SPTBN1: variants seen among roughly 807,000 people sequenced by gnomAD.
The protein encoded by SPTBN1 is spectrin beta chain, non-erythrocytic 1.
In SPTBN1, 32 loss-of-function variants were observed where a neutral mutation model predicts 266.4. The ratio of observed to expected loss-of-function variants is 0.12; its 90% CI spans 0.09 to 0.16. SPTBN1 has a LOEUF of 0.16. Ranked by LOEUF, SPTBN1 falls within the 10% of genes least tolerant of loss-of-function variation. SPTBN1 has a pLI of 1.00. For synonymous variants in SPTBN1, 1,336 were observed against 1,162.2 expected (o/e 1.15, Z -3.04); for missense variants, 2,296 against 3,067.1 (o/e 0.75, Z 5.94).
At chr2:54,487,832 C>CTCT (rs1426296541) in intron 1 of SPTBN1, among the ~76,000 whole-genome samples, 1 of 68,644 alleles carries the variant, frequency 1.5e-5, no homozygotes, top group Non-Finnish European at 2.6e-5. Flanking sequence ...CCTCCTGTGT[C>CTCT]TTTTTTTTTT....
At chr2:54,516,374 T>C (rs1670110087) in intron 1 of SPTBN1, 1 of 152,144 alleles carries the variant, frequency 6.6e-6, no homozygotes, top group African/African-American at 2.4e-5. Flanking sequence ...AATTTTTAGC[T>C]GTGTTAGGGT....
At chr2:54,607,374 G>A (rs1048931831) in intron 3 of SPTBN1, among the ~76,000 whole-genome samples, 5 of 152,220 alleles carry the variant, frequency 3.3e-5, no homozygotes, top group African/African-American at 9.7e-5. Flanking sequence ...TGTAATCCCA[G>A]CACTTTGGGA....
intron 1 of SPTBN1, among the ~76,000 whole-genome samples, chr2:54,513,406 C>G (rs1422805669): frequency 6.6e-6 from 1 of 152,036 alleles, no homozygotes; most frequent in Admixed American, 6.6e-5. Flanking sequence ...TTGGGTTGCT[C>G]TAGGAGAAGT....
In SPTBN1 at chr2:54,472,020, A is replaced by ATTTTTT. The variant is rs1420661034; in HGVS notation, c.-48+15503_-48+15504insTTTTTT. 9.1e-4 allele frequency among the ~76,000 whole-genome samples: 44 copies of ATTTTTT among 48,472 alleles called. 1 individual carries two copies. The highest frequency in any genetic ancestry group is 3.5e-3 in the African/African-American group (28 of 8,102). The allele number at this position is 48,472 out of a possible 152,430, so 31.8% of individuals were successfully genotyped here. A position where few individuals can be genotyped will look rare whatever the true frequency, so the allele number is the denominator to read the frequency against. On this transcript the variant is annotated intron_variant, in intron 1 of 35. Coordinates refer to ENST00000356805, the MANE Select transcript of SPTBN1 (RefSeq NM_003128.3). ...TTGAATAAAAACTGGGGCCCTGAAG[A>ATTTTTT]TGTTTTTTTTTTTTTTTTTTTTTTT...
At chr2:54,599,791 G>A (rs1338770760) in intron 3 of SPTBN1, among the ~76,000 whole-genome samples, 1 of 152,174 alleles carries the variant, frequency 6.6e-6, no homozygotes, top group Non-Finnish European at 1.5e-5. Context: ...TGCCTTTTCA[G>A]GCAGGAAAGT....
intron 2 of SPTBN1, among the ~76,000 whole-genome samples, chr2:54,538,401 G>A (rs915076990): frequency 7.2e-5 from 11 of 152,280 alleles, no homozygotes; most frequent in African/African-American, 2.2e-4. Context: ...TTCTTTAGCA[G>A]TACAGTGATA....
chr2:54,527,707 C>A (rs952805837), intron 2 of SPTBN1: 1 of 152,172 alleles, frequency 6.6e-6, no homozygotes, highest in African/African-American at 2.4e-5. Flanking sequence ...GGTCCCTGGC[C>A]CCCTTGGACT....
rs749723525 is a variant in SPTBN1 at position 54,658,084 on chromosome 2, G to C, written c.6243+38G>C. The stretch of plus-strand genomic sequence containing the variant: ...TGGGCCCTTTGTCTGTTGGTGCCCT[G>C]GGCAGCCTTTTCTTCCTGCTTGCCT... On this transcript the variant is annotated intron_variant, in intron 30 of 35. Transcript: ENST00000356805. 5 of 1,610,908 alleles carry C rather than the reference G, an allele frequency of 3.1e-6. No individual in the cohort carries two copies. The South Asian group carries it at 4.4e-5, about 14-fold the overall frequency.
In SPTBN1 at chr2:54,629,089, G is replaced by T; in HGVS notation, c.1955G>T (p.Gly652Val). 3 of 1,613,776 alleles carry T rather than the reference G, an allele frequency of 1.9e-6. No homozygotes were observed. Among genetic ancestry groups the T allele is most frequent in the Non-Finnish European group, 2.5e-6 (3 of 1,179,948 alleles). The change falls in exon 14 of 36, where the codon GGC (glycine) becomes GTC (valine). Residue 652 changes from glycine (G) to valine (V), a missense_variant. Physicochemically the swap from Gly to Val is moderately radical, Grantham distance 109. Coordinates refer to ENST00000356805, the MANE Select transcript of SPTBN1 (RefSeq NM_003128.3). ...KFFWEMAEEE[G>V]WIREKEKILS... is the part of the protein sequence containing the mutation. ...TTCTGGGAGATGGCAGAAGAGGAAGGCTGGATACGGGAGAAGGAGAAGATC... is the reference window on the plus strand; with the variant it reads ...TTCTGGGAGATGGCAGAAGAGGAAGTCTGGATACGGGAGAAGGAGAAGATC...
At chr2:54,557,868 G>T in intron 2 of SPTBN1, 2 of 985,440 alleles carry the variant, frequency 2.0e-6, no homozygotes, top group Non-Finnish European at 2.4e-6. Context: ...CGCCCTGAGA[G>T]TGACTTTGTC....
intron 35 of SPTBN1, 100 bp downstream of exon 35, chr2:54,667,746 C>A: frequency 9.0e-7 from 1 of 1,110,606 alleles, no homozygotes; most frequent in Non-Finnish European, 1.4e-6. Context: ...AAATGATGAT[C>A]AGTGATGGTT....
chr2:54,583,671 T>C (rs1387431243), intron 2 of SPTBN1, among the ~76,000 whole-genome samples: 1 of 152,228 alleles, frequency 6.6e-6, no homozygotes, highest in Non-Finnish European at 1.5e-5. Context: ...ACAAATGTTA[T>C]ATAAAGTTAA....
chr2:54,526,778 A>C, intron 2 of SPTBN1: 1 of 462,058 alleles, frequency 2.2e-6, no homozygotes, highest in Non-Finnish European at 3.7e-6. Context: ...TATTCAGAGC[A>C]CAGAGTGTTA....
At chr2:54,622,220 A>G (rs1449701453) in intron 8 of SPTBN1, 80 bp from the exon 9 acceptor site, 1 of 1,455,958 alleles carries the variant, frequency 6.9e-7, no homozygotes, top group South Asian at 1.3e-5. Context: ...TTTTGTGTGC[A>G]TGCACTCGTA....
rs775249897 is a variant in SPTBN1, at chr2:54,599,216, G to A, written c.273G>A (p.Leu91=). ...GAGATGGACGGATGCTCATCAAGCT[G>A]CTGGAGGTCCTCTCTGGAGAGAGGC... ...DLRDGRMLIK[L]LEVLSGERLP... Residue 91 remains leucine, a synonymous_variant, in exon 3 of 36, where the codon CTG becomes CTA. Transcript: ENST00000356805. 49 of 1,614,096 alleles carry A rather than the reference G, an allele frequency of 3.0e-5. No homozygotes were observed. The highest frequency in any genetic ancestry group is 4.0e-5 in the Non-Finnish European group (47 of 1,180,050).
intron 2 of SPTBN1, among the ~76,000 whole-genome samples, chr2:54,555,686 T>C (rs527784830): frequency 6.6e-6 from 1 of 152,332 alleles, no homozygotes; most frequent in Admixed American, 6.5e-5. Flanking sequence ...GGCTTAGTTC[T>C]AACTTGCTTT....
At chr2:54,615,545 A>C (rs561914172) in intron 4 of SPTBN1, among the ~76,000 whole-genome samples, 3 of 152,376 alleles carry the variant, frequency 2.0e-5, no homozygotes, top group South Asian at 2.1e-4. Flanking sequence ...ATTTAAGTGC[A>C]TAACAGTGCT....
At chr2:54,633,144 C>T (rs1307228947) in intron 17 of SPTBN1, among the ~76,000 whole-genome samples, 1 of 152,088 alleles carries the variant, frequency 6.6e-6, no homozygotes, top group Non-Finnish European at 1.5e-5. Context: ...CAGCCAAGCC[C>T]GTGTTCCCCT....
At chr2:54,591,609 CTA>C (rs1310110322) in intron 2 of SPTBN1, among the ~76,000 whole-genome samples, 3 of 152,172 alleles carry the variant, frequency 2.0e-5, no homozygotes, top group Non-Finnish European at 2.9e-5. Flanking sequence ...GTTCCTGATT[CTA>C]TGTTTCCTTT....
Sources: gnomAD v4.1 joint callset for allele counts (sites outside exome capture counted in the v4.1 genomes callset) on GRCh38, gnomAD v4.1.1 for gene constraint, MANE v1.5 for transcripts, NCBI Gene and HGNC (gene_info 2026-07-23, HGNC 2026-07-21) for gene names.